The following SRGAP1 variants were observed in gnomAD, a reference collection of about 807,000 sequenced individuals.
The protein encoded by SRGAP1 is SLIT-ROBO Rho GTPase-activating protein 1.
Under a neutral mutation model 121.9 loss-of-function variants are expected in SRGAP1, and 43 were observed. The ratio of observed to expected loss-of-function variants is 0.35; its 90% CI spans 0.28 to 0.46. The LOEUF (loss-of-function observed/expected upper bound fraction) is 0.46, where lower values mean the gene tolerates loss of function less well. Ranked by LOEUF, SRGAP1 falls within the 20% of genes least tolerant of loss-of-function variation. SRGAP1 has a pLI of 1.00. For synonymous variants in SRGAP1, 447 were observed against 485.4 expected (o/e 0.92, Z 1.04); for missense variants, 1,102 against 1,350.9 (o/e 0.82, Z 2.89).
At chr12:63,936,738 G>T (rs150145588) in intron 1 of SRGAP1, among the ~76,000 whole-genome samples, 48 of 152,190 alleles carry the variant, frequency 3.2e-4, no homozygotes, top group East Asian at 5.8e-4. Context: ...TTTGAATTGG[G>T]CCCAAAGTTC....
At chr12:64,077,191 C>T (rs905724472) in intron 8 of SRGAP1, among the ~76,000 whole-genome samples, 1 of 152,048 alleles carries the variant, frequency 6.6e-6, no homozygotes, top group African/African-American at 2.4e-5. Context: ...CTGATGGTAA[C>T]CTTCTCACTC....
At position 64,161,574 on chromosome 12, in the gene SRGAP1, A is replaced by G. The variant is rs982715541; in HGVS notation, c.*18902A>G. 1 of 152,028 alleles carries G rather than the reference A, an allele frequency of 6.6e-6. No homozygotes were observed. The highest frequency in any genetic ancestry group is 6.6e-5 in the Admixed American group (1 of 15,246). The allele number at this position is 152,028 out of a possible 1,614,324, so 9.4% of individuals were successfully genotyped here. ...CTATATATTTTTTTATTTTGAGATT[A>G]TTAGTGATAGTTCTTCTAAGTTTTC... On this transcript the variant is annotated 3_prime_UTR_variant, in exon 22 of 22. Coordinates refer to ENST00000355086, the MANE Select transcript of SRGAP1 (RefSeq NM_020762.4).
chr12:63,958,604 T>C (rs2032544128), intron 1 of SRGAP1, among the ~76,000 whole-genome samples: 1 of 152,198 alleles, frequency 6.6e-6, no homozygotes, highest in Non-Finnish European at 1.5e-5. Context: ...GTGAAGATTA[T>C]CATTTAATTT....
chr12:64,112,380 C>T (rs1040793877), intron 17 of SRGAP1, among the ~76,000 whole-genome samples: 1 of 152,098 alleles, frequency 6.6e-6, no homozygotes, highest in Non-Finnish European at 1.5e-5. Flanking sequence ...TAAAGGAGCC[C>T]TGTCAACCAA....
intron 4 of SRGAP1, among the ~76,000 whole-genome samples, chr12:64,027,439 G>T (rs1470564317): frequency 1.3e-5 from 2 of 152,032 alleles, no homozygotes; most frequent in African/African-American, 4.8e-5. Context: ...AGAGGAAAAG[G>T]TCTAAAAATG....
At chr12:63,885,378 G>A (rs750745296) in intron 1 of SRGAP1, among the ~76,000 whole-genome samples, 41 of 152,152 alleles carry the variant, frequency 2.7e-4, no homozygotes, top group Admixed American at 2.4e-3. Flanking sequence ...AGTAAGGCAC[G>A]CAGAGCTTCC....
At chr12:63,966,502 G>T (rs939142612) in intron 1 of SRGAP1, among the ~76,000 whole-genome samples, 8 of 152,096 alleles carry the variant, frequency 5.3e-5, no homozygotes, top group African/African-American at 1.9e-4. Flanking sequence ...ACTTTCCACA[G>T]AATTTATGAC....
chr12:64,067,620 A>T (rs1477382387), intron 8 of SRGAP1, among the ~76,000 whole-genome samples: 2 of 152,198 alleles, frequency 1.3e-5, no homozygotes, highest in East Asian at 3.9e-4. Context: ...GTAAGATTTC[A>T]ATTAGATTTT....
intron 1 of SRGAP1, among the ~76,000 whole-genome samples, chr12:63,911,325 A>G (rs2030492329): frequency 6.6e-6 from 1 of 151,846 alleles, no homozygotes; most frequent in Non-Finnish European, 1.5e-5. Context: ...AAAGAAAAGA[A>G]AACACCTCAA....
intron 21 of SRGAP1, among the ~76,000 whole-genome samples, chr12:64,129,984 T>C (rs946931782): frequency 6.6e-6 from 1 of 151,858 alleles, no homozygotes; most frequent in East Asian, 1.9e-4. Context: ...TGGTTGTTGT[T>C]GTTGTTGTTG....
At chr12:63,870,122 G>T (rs1899798238) in intron 1 of SRGAP1, among the ~76,000 whole-genome samples, 2 of 152,158 alleles carry the variant, frequency 1.3e-5, no homozygotes, top group Non-Finnish European at 1.5e-5. Flanking sequence ...AAGAATGATT[G>T]CCATCTTTGA....
chr12:64,019,888 A>G (rs1367951681), intron 4 of SRGAP1, among the ~76,000 whole-genome samples: 1 of 152,232 alleles, frequency 6.6e-6, no homozygotes, highest in Non-Finnish European at 1.5e-5. Context: ...GGCATAAAAT[A>G]CATAGCCTCA....
intron 3 of SRGAP1, among the ~76,000 whole-genome samples, chr12:64,013,193 GA>G (rs1471190761): frequency 1.3e-5 from 2 of 152,070 alleles, no homozygotes; most frequent in Non-Finnish European, 2.9e-5. Flanking sequence ...GTAGCATTTT[GA>G]AAAAACAATT....
At position 64,108,938 on chromosome 12, in the gene SRGAP1, A is replaced by G. The variant is rs371342267; in HGVS notation, c.1820A>G (p.Asp607Gly). Reference sequence around the variant, plus strand: ...TGTCATCTTCTGTCTGTAGGAATAGATAATCTCTATGAGAGGGCGCTTCAC... The same window carrying G: ...TGTCATCTTCTGTCTGTAGGAATAGGTAATCTCTATGAGAGGGCGCTTCAC... ...FNDLISCIRI[D>G]NLYERALHIR... is the part of the protein sequence containing the mutation. Residue 607 changes from aspartate to glycine, a missense_variant, in exon 16 of 22, where the codon GAT becomes GGT. Transcript: ENST00000355086. 1.9e-6 allele frequency: 3 copies of G among 1,595,832 alleles called. No homozygotes were observed. The highest frequency in any genetic ancestry group is 2.6e-6 in the Non-Finnish European group (3 of 1,167,946).
At chr12:63,983,320 T>C (rs12296441) in intron 1 of SRGAP1, 1 of 152,148 alleles carries the variant, frequency 6.6e-6, no homozygotes, top group Non-Finnish European at 1.5e-5. Context: ...AAAATTGCAG[T>C]GTTTCCAGCT....
chr12:63,941,453 T>C (rs1049719335), intron 1 of SRGAP1, among the ~76,000 whole-genome samples: 2 of 152,240 alleles, frequency 1.3e-5, no homozygotes, highest in African/African-American at 4.8e-5. Context: ...AGAATGTCTG[T>C]GATCCGTTTG....
chr12:63,906,063 C>T (rs939498712), intron 1 of SRGAP1, among the ~76,000 whole-genome samples: 3 of 152,166 alleles, frequency 2.0e-5, no homozygotes. Context: ...CACCCCAACC[C>T]TAGGCAACCA....
At chr12:64,071,875 C>G (rs373447415) in intron 8 of SRGAP1, among the ~76,000 whole-genome samples, 1 of 148,924 alleles carries the variant, frequency 6.7e-6, no homozygotes, top group Non-Finnish European at 1.5e-5. Context: ...CCCTCACCCC[C>G]CCCCAAAAAA....
chr12:64,091,464 A>T, intron 12 of SRGAP1, 86 bp downstream of exon 12: 2 of 926,688 alleles, frequency 2.2e-6, no homozygotes. Flanking sequence ...GAAGGTCATT[A>T]TGTCCAAGTC....
Sources: gnomAD v4.1 joint callset for allele counts (sites outside exome capture counted in the v4.1 genomes callset) on GRCh38, gnomAD v4.1.1 for gene constraint, MANE v1.5 for transcripts, NCBI Gene and HGNC (gene_info 2026-07-23, HGNC 2026-07-21) for gene names.